The following AIMP1 variants were observed in gnomAD, a reference collection of about 807,000 sequenced individuals.
AIMP1 encodes aminoacyl tRNA synthetase complex interacting multifunctional protein 1, also known as aminoacyl tRNA synthase complex-interacting multifunctional protein 1.
A neutral mutation model predicts 33.1 loss-of-function variants in AIMP1; 24 were observed. The ratio of observed to expected loss-of-function variants is 0.73; its 90% CI spans 0.53 to 1.02. AIMP1 has a LOEUF of 1.02. AIMP1 is among the 50% of genes least tolerant of loss of function. AIMP1 has a pLI of 0.00. For missense variants in AIMP1, 367 were observed against 364.8 expected (o/e 1.01, Z -0.05); for synonymous variants, 120 against 121.5 (o/e 0.99, Z 0.08).
At chr4:106,344,227 T>TG (rs1370312835) in intron 6 of AIMP1, among the ~76,000 whole-genome samples, 1 of 152,170 alleles carries the variant, frequency 6.6e-6, no homozygotes, top group Non-Finnish European at 1.5e-5. Context: ...CTCTTTTTTT[T>TG]CCATGCTTAT....
chr4:106,329,769 T>A (rs1020605241), intron 4 of AIMP1, among the ~76,000 whole-genome samples: 2 of 130,030 alleles, frequency 1.5e-5, no homozygotes, highest in Non-Finnish European at 1.6e-5. Flanking sequence ...GACTGCTACA[T>A]ATCTTTTTTT....
intron 6 of AIMP1, among the ~76,000 whole-genome samples, chr4:106,343,535 C>T (rs1490773251): frequency 6.6e-6 from 1 of 152,054 alleles, no homozygotes; most frequent in Non-Finnish European, 1.5e-5. Context: ...TACAAGTACC[C>T]ATGACTTTGA....
At chr4:106,332,876 G>A (rs566792516) in intron 5 of AIMP1, among the ~76,000 whole-genome samples, 1 of 151,988 alleles carries the variant, frequency 6.6e-6, no homozygotes, top group African/African-American at 2.4e-5. Context: ...ATTACAAACT[G>A]CTGGGCCAAG....
chr4:106,331,354 G>T (rs1231050888), intron 4 of AIMP1, among the ~76,000 whole-genome samples: 1 of 152,164 alleles, frequency 6.6e-6, no homozygotes, highest in Non-Finnish European at 1.5e-5. Context: ...ATATGTAAAT[G>T]AATGAATATG....
In AIMP1 at chr4:106,348,607, A is replaced by G. The variant is rs1770388832; in HGVS notation, c.*915A>G. On this transcript the variant is annotated 3_prime_UTR_variant, in exon 7 of 7. Transcript: ENST00000672341. ...ATATATATTAAGGTGTCAAATAGCT[A>G]TTCTCACTCATCTTACAAATATTGT... 1.3e-5 allele frequency: 2 copies of G among 152,148 alleles called. No homozygotes were observed. The highest frequency in any genetic ancestry group is 6.6e-5 in the Admixed American group (1 of 15,266). The allele number at this position is 152,148 out of a possible 1,614,324, so 9.4% of individuals were successfully genotyped here. A position where few individuals can be genotyped will look rare whatever the true frequency, so the allele number is the denominator to read the frequency against.
At chr4:106,317,330 G>A (rs1434489313) in intron 1 of AIMP1, among the ~76,000 whole-genome samples, 1 of 152,194 alleles carries the variant, frequency 6.6e-6, no homozygotes, top group Non-Finnish European at 1.5e-5. Flanking sequence ...GAAGGGTTTA[G>A]TCCTTCACTG....
chr4:106,333,897 T>C (rs1312293706), intron 5 of AIMP1, among the ~76,000 whole-genome samples: 1 of 152,196 alleles, frequency 6.6e-6, no homozygotes, highest in Non-Finnish European at 1.5e-5. Context: ...TTTCTTCCTT[T>C]TTCTTTACTT....
intron 6 of AIMP1, among the ~76,000 whole-genome samples, chr4:106,346,037 T>G (rs535611145): frequency 3.8e-4 from 57 of 151,862 alleles, no homozygotes; most frequent in Admixed American, 6.6e-4. Context: ...TTCAGCAATT[T>G]TTTTTATTAC....
At chr4:106,343,106 T>C (rs1370401302) in intron 6 of AIMP1, among the ~76,000 whole-genome samples, 1 of 152,098 alleles carries the variant, frequency 6.6e-6, no homozygotes, top group African/African-American at 2.4e-5. Flanking sequence ...CTGGTTCAGT[T>C]TGAGAACTCG....
chr4:106,327,561 G>A lies in AIMP1; in HGVS notation c.220G>A (p.Gly74Arg). 1.2e-6 allele frequency: 2 copies of A among 1,605,792 alleles called. No homozygotes were observed. Among genetic ancestry groups the A allele is most frequent in the Non-Finnish European group, 8.5e-7 (1 of 1,173,412 alleles). The change falls in exon 3 of 7, where the codon GGA becomes AGA. Residue 74 changes from glycine to arginine, a missense_variant. Physicochemically the swap from Gly to Arg is moderately radical, Grantham distance 125. Transcript: ENST00000672341. ...QELIQAEIQN[G>R]VKQIPFPSGT... ...GCTAATTCAGGCAGAAATTCAAAAT[G>A]GAGGTAATTAAATATAGAAAATTTG... is the stretch of plus-strand genomic sequence containing the variant.
At chr4:106,331,935 C>T (rs1380661130) in intron 5 of AIMP1, 52 bp downstream of exon 5, 1 of 1,488,958 alleles carries the variant, frequency 6.7e-7, no homozygotes, top group Admixed American at 1.7e-5. Context: ...TTTTCATTCC[C>T]TCCTTCTTGG....
Position 106,348,573 on chromosome 4 carries a change from A to G in AIMP1, c.*881A>G, listed in dbSNP as rs1770388299. 6.6e-6 allele frequency: 1 copy of G among 152,186 alleles called. No individual in the cohort carries two copies. Among genetic ancestry groups the G allele is most frequent in the Non-Finnish European group, 1.5e-5 (1 of 68,026 alleles). 9.4% of individuals were successfully genotyped at this position (152,186 alleles called of 1,614,324 possible). ...GAAATTACAGCCTAAAACTTAACAT[A>G]TACCATACATATATATTAAGGTGTC... On this transcript the variant is annotated 3_prime_UTR_variant, in exon 7 of 7. Transcript: ENST00000672341.
At chr4:106,345,126 C>T (rs895398831) in intron 6 of AIMP1, among the ~76,000 whole-genome samples, 2 of 152,142 alleles carry the variant, frequency 1.3e-5, no homozygotes, top group African/African-American at 4.8e-5. Context: ...TTATATGGCA[C>T]TTTCTTTCTA....
intron 5 of AIMP1, 75 bp downstream of exon 5, chr4:106,331,958 A>G: frequency 7.5e-7 from 1 of 1,328,942 alleles, no homozygotes; most frequent in Non-Finnish European, 1.1e-6. Flanking sequence ...TCTTTCCATT[A>G]TAATTTTGTA....
At chr4:106,341,430 T>C (rs1407203279) in intron 6 of AIMP1, among the ~76,000 whole-genome samples, 2 of 152,150 alleles carry the variant, frequency 1.3e-5, no homozygotes, top group Non-Finnish European at 1.5e-5. Context: ...TTAGGTCTTA[T>C]ATTTAATTCT....
At chr4:106,340,990 G>A (rs1342626676) in intron 6 of AIMP1, among the ~76,000 whole-genome samples, 11 of 152,164 alleles carry the variant, frequency 7.2e-5, no homozygotes, top group Admixed American at 2.0e-4. Context: ...TCTCATTGTG[G>A]TTTTGATTTG....
rs1293619290 is a variant in AIMP1 at position 106,338,240 on chromosome 4, A to T, written c.772+1203A>T. Reference sequence around the variant, plus strand: ...ATTTCTGCCAGCTGCAGAAATTTGCATAAGCAATGAAGAGCCAAATGTTAA... The same window carrying T: ...ATTTCTGCCAGCTGCAGAAATTTGCTTAAGCAATGAAGAGCCAAATGTTAA... On this transcript the variant is annotated intron_variant, in intron 6 of 6. Coordinates refer to ENST00000672341, the MANE Select transcript of AIMP1 (RefSeq NM_001142416.2). 3.3e-5 allele frequency among the ~76,000 whole-genome samples: 5 copies of T among 152,384 alleles called. 1 individual carries two copies. The East Asian group carries it at 7.7e-4, about 23-fold the overall frequency.
At chr4:106,342,468 T>G (rs1021382993) in intron 6 of AIMP1, among the ~76,000 whole-genome samples, 31 of 152,222 alleles carry the variant, frequency 2.0e-4, no homozygotes, top group African/African-American at 7.5e-4. Flanking sequence ...CTTTGATGCC[T>G]AGTCTATTGA....
At chr4:106,322,154 G>T (rs975616506) in intron 1 of AIMP1, among the ~76,000 whole-genome samples, 3 of 152,106 alleles carry the variant, frequency 2.0e-5, no homozygotes, top group Non-Finnish European at 2.9e-5. Flanking sequence ...TGCAGAAGGC[G>T]GCAGGGCCCT....
Sources: allele counts gnomAD v4.1 joint callset (sites outside exome capture counted in the v4.1 genomes callset), GRCh38; gene constraint gnomAD v4.1.1; transcripts MANE v1.5; gene names NCBI Gene and HGNC (gene_info 2026-07-23, HGNC 2026-07-21).